Variants in KCNK9 observed in about 807,000 individuals in gnomAD.
The protein encoded by KCNK9 is potassium two pore domain channel subfamily K member 9.
KCNK9 carries 1 observed loss-of-function variant against 10.8 expected under a neutral mutation model. That is an observed-to-expected ratio of 0.09 (90% CI 0.03 to 0.44). The LOEUF is 0.44. Ranked by LOEUF, KCNK9 falls within the 20% of genes least tolerant of loss-of-function variation. KCNK9 has a pLI of 0.97. For synonymous variants in KCNK9, 231 were observed against 222.7 expected, an observed-to-expected ratio of 1.04 and a Z score of -0.33; for missense variants, 303 against 515.0, an observed-to-expected ratio of 0.59 and a Z score of 3.98.
Position 139,702,417 on chromosome 8 carries a change from C to T in KCNK9, c.283+293G>A, listed in dbSNP as rs1297140009. Among the ~76,000 whole-genome samples the T allele has an allele frequency of 1.3e-5, 2 of 152,090 alleles. No homozygotes were observed. The highest frequency in any genetic ancestry group is 2.9e-5 in the Non-Finnish European group (2 of 68,000). On this transcript the variant is annotated intron_variant, in intron 1 of 1. Coordinates refer to ENST00000520439, the MANE Select transcript of KCNK9 (RefSeq NM_001282534.2). The surrounding 1 kb of genome is among the most constrained non-coding windows in gnomAD (Gnocchi z 7.5). ...GGGATTATTCTTAGCGCTCCACTCT[C>T]TTCGCAAAAGTGGCGCCTCCGCCCT...
intron 1 of KCNK9, among the ~76,000 whole-genome samples, chr8:139,683,592 G>C (rs1209412721): frequency 2.0e-5 from 3 of 152,222 alleles, no homozygotes; most frequent in African/African-American, 7.2e-5. Context: ...GGGGAAGCCA[G>C]GTCTGCCCGA....
intron 2 of KCNK9, among the ~76,000 whole-genome samples, chr8:139,606,600 G>A (rs1299301035): frequency 1.3e-5 from 2 of 152,172 alleles, no homozygotes; most frequent in Non-Finnish European, 2.9e-5. Context: ...TCCTTTTGAT[G>A]TTTTAAGGTA....
chr8:139,627,569 G>A (rs763334154), intron 1 of KCNK9, among the ~76,000 whole-genome samples: 1 of 152,208 alleles, frequency 6.6e-6, no homozygotes, highest in Non-Finnish European at 1.5e-5. Context: ...GCTGTACAGA[G>A]ATGTTTCACC....
At chr8:139,681,105 G>A (rs910787153) in intron 1 of KCNK9, among the ~76,000 whole-genome samples, 2 of 152,172 alleles carry the variant, frequency 1.3e-5, no homozygotes, top group African/African-American at 2.4e-5. Flanking sequence ...ATCGCCCTCT[G>A]TGCATTCATT....
chr8:139,618,214 C>G lies in KCNK9; in HGVS notation c.*44G>C, dbSNP rs2130102840. 1 of 1,613,498 alleles carries G rather than the reference C, an allele frequency of 6.2e-7. No individual in the cohort carries two copies. Among genetic ancestry groups the G allele is most frequent in the East Asian group, 2.2e-5 (1 of 44,876 alleles). On this transcript the variant is annotated 3_prime_UTR_variant, in exon 2 of 2. Coordinates refer to ENST00000520439, the MANE Select transcript of KCNK9 (RefSeq NM_001282534.2). The surrounding 1 kb of genome is among the most constrained non-coding windows in gnomAD (Gnocchi z 7.9). ...GAGTTGGACCAATGGAAATTAACAC[C>G]AACTATGACAAATGACTTTTCTGTC...
At chr8:139,677,740 A>AGG (rs1816588710) in intron 1 of KCNK9, among the ~76,000 whole-genome samples, 9 of 144,350 alleles carry the variant, frequency 6.2e-5, no homozygotes, top group African/African-American at 2.6e-4. Flanking sequence ...GGGTCCCTAC[A>AGG]GCTTCAGAGT....
At chr8:139,683,324 C>A (rs1252405500) in intron 1 of KCNK9, among the ~76,000 whole-genome samples, 9 of 152,186 alleles carry the variant, frequency 5.9e-5, no homozygotes. Context: ...GCAGCTTCCT[C>A]CTTCTCCCTC....
intron 1 of KCNK9, among the ~76,000 whole-genome samples, chr8:139,686,318 G>A (rs571051413): frequency 6.6e-5 from 10 of 152,200 alleles, no homozygotes; most frequent in South Asian, 2.1e-4. Context: ...TCATCAGATC[G>A]AACAGGCAAC....
At chr8:139,601,054 G>A (rs1009450175), downstream of KCNK9, 4 of 152,172 alleles carry the variant, frequency 2.6e-5, no homozygotes, top group East Asian at 7.7e-4. Context: ...CCCGCCCCAG[G>A]GAGCACTGAC....
At chr8:139,676,312 CCTTGGT>C (rs1481069930) in intron 1 of KCNK9, among the ~76,000 whole-genome samples, 13 of 152,362 alleles carry the variant, frequency 8.5e-5, no homozygotes, top group African/African-American at 2.9e-4. Context: ...CACTTCTAGC[CCTTGGT>C]CTTCTGGGCC....
intron 1 of KCNK9, among the ~76,000 whole-genome samples, chr8:139,620,052 C>A (rs751223474): frequency 6.6e-6 from 1 of 152,132 alleles, no homozygotes; most frequent in Non-Finnish European, 1.5e-5. Context: ...TCCTCACATT[C>A]GAAATGAAGG....
chr8:139,663,854 T>A lies in KCNK9; in HGVS notation c.283+38856A>T, dbSNP rs113566991. On this transcript the variant is annotated intron_variant, in intron 1 of 1. Coordinates refer to ENST00000520439, the MANE Select transcript of KCNK9 (RefSeq NM_001282534.2). Reference sequence around the variant, plus strand: ...AACGATTGCTGTCGCTTTGCACCACTGAGATGGAGATGTTTGTTATGTAGC... The same window carrying A: ...AACGATTGCTGTCGCTTTGCACCACAGAGATGGAGATGTTTGTTATGTAGC... Among the ~76,000 whole-genome samples the A allele has an allele frequency of 3.7e-4, 56 of 152,166 alleles. 1 individual carries two copies. Among genetic ancestry groups the A allele is most frequent in the African/African-American group, 1.3e-3 (55 of 41,494 alleles).
chr8:139,616,300 C>T (rs1814587514), downstream of KCNK9: 1 of 152,168 alleles, frequency 6.6e-6, no homozygotes, highest in Admixed American at 6.5e-5. Context: ...AAAAATTGAA[C>T]TGCTGCTATT....
At position 139,702,638 on chromosome 8, in the gene KCNK9, G is replaced by A; in HGVS notation, c.283+72C>T. On this transcript the variant is annotated intron_variant, in intron 1 of 1. Transcript: ENST00000520439. This position sits in a 1 kb window ranked among gnomAD's most constrained non-coding sequence, Gnocchi z 7.5. ...CCCTCGACGCCCTGCACCCAGCCCGGCGCGGCGCGCTCAGCCGCCTCCCCG... is the reference window on the plus strand; with the variant it reads ...CCCTCGACGCCCTGCACCCAGCCCGACGCGGCGCGCTCAGCCGCCTCCCCG... The A allele has an allele frequency of 6.7e-7, 1 of 1,486,310 alleles. No homozygotes were observed. Among genetic ancestry groups the A allele is most frequent in the East Asian group, 2.4e-5 (1 of 41,142 alleles). 92.1% of individuals were successfully genotyped at this position (1,486,310 alleles called of 1,614,324 possible).
chr8:139,671,776 G>T (rs1816433137), intron 1 of KCNK9, among the ~76,000 whole-genome samples: 1 of 152,080 alleles, frequency 6.6e-6, no homozygotes, highest in South Asian at 2.1e-4. Context: ...GGCCGAGCTG[G>T]TCTTGAACTC....
chr8:139,631,338 A>T (rs1043657141), intron 1 of KCNK9, among the ~76,000 whole-genome samples: 1 of 151,914 alleles, frequency 6.6e-6, no homozygotes, highest in African/African-American at 2.4e-5. Flanking sequence ...TCCTCAACCC[A>T]CTGGTTCTGG....
At chr8:139,654,569 C>T (rs968644783) in intron 1 of KCNK9, among the ~76,000 whole-genome samples, 20 of 152,230 alleles carry the variant, frequency 1.3e-4, no homozygotes, top group Non-Finnish European at 7.3e-5. Context: ...CTCAGGTAGG[C>T]GACAGGCAGA....
At chr8:139,602,455 C>A (rs1225118892) in intron 2 of KCNK9, among the ~76,000 whole-genome samples, 1 of 152,166 alleles carries the variant, frequency 6.6e-6, no homozygotes, top group Non-Finnish European at 1.5e-5. Context: ...GCAGCAATGC[C>A]TGTTACATTT....
chr8:139,610,184 C>G (rs1292177611), downstream of KCNK9, among the ~76,000 whole-genome samples: 1 of 152,210 alleles, frequency 6.6e-6, no homozygotes, highest in African/African-American at 2.4e-5. Context: ...GCTGCTACCT[C>G]TGGGTCACCA....
Sources: gnomAD v4.1 joint callset for allele counts (sites outside exome capture counted in the v4.1 genomes callset) on GRCh38, gnomAD v4.1.1 for gene constraint, Gnocchi (gnomAD v3.1) non-coding constraint, MANE v1.5 for transcripts, NCBI Gene and HGNC (gene_info 2026-07-23, HGNC 2026-07-21) for gene names.